DAG1: variants seen among roughly 807,000 people sequenced by gnomAD.
DAG1 encodes the protein dystroglycan 1 (dystrophin-associated glycoprotein 1).
Under a neutral mutation model 46.1 loss-of-function variants are expected in DAG1, and 8 were observed. That is an observed-to-expected ratio of 0.17 (90% CI 0.10 to 0.31). The LOEUF is 0.31. DAG1 is among the 10% of genes least tolerant of loss of function. DAG1 has a pLI of 1.00. For missense variants in DAG1, 1,003 were observed against 1,189.9 expected, an observed-to-expected ratio of 0.84 and a Z score of 2.31; for synonymous variants, 495 against 481.8, an observed-to-expected ratio of 1.03 and a Z score of -0.36.
At chr3:49,478,537 T>TG (rs1268709599) in intron 1 of DAG1, among the ~76,000 whole-genome samples, 52 of 129,192 alleles carry the variant, frequency 4.0e-4, no homozygotes, top group African/African-American at 1.3e-3. Flanking sequence ...GTTTTTTTTT[T>TG]TTTTTTTTTT....
At chr3:49,502,708 G>A (rs1037124891) in intron 1 of DAG1, among the ~76,000 whole-genome samples, 8 of 149,086 alleles carry the variant, frequency 5.4e-5, no homozygotes, top group African/African-American at 2.0e-4. Flanking sequence ...GTGCGATCTC[G>A]GCTCACTACA....
At position 49,528,275 on chromosome 3, in the gene DAG1, A is replaced by ATTTTTTTTTTTTTTTTTTTTTTT. The variant is rs147292984; in HGVS notation, c.286-2517_286-2495dup. 6.8e-4 allele frequency among the ~76,000 whole-genome samples: 45 copies of ATTTTTTTTTTTTTTTTTTTTTTT among 66,628 alleles called. 5 individuals are homozygous for ATTTTTTTTTTTTTTTTTTTTTTT. Among genetic ancestry groups the ATTTTTTTTTTTTTTTTTTTTTTT allele is most frequent in the African/African-American group, 1.9e-3 (28 of 14,514 alleles). The allele number at this position is 66,628 out of a possible 152,430, so 43.7% of individuals were successfully genotyped here. A position where few individuals can be genotyped will look rare whatever the true frequency, so the allele number is the denominator to read the frequency against. On this transcript the variant is annotated intron_variant, in intron 2 of 2. Coordinates refer to ENST00000308775, the MANE Select transcript of DAG1 (RefSeq NM_004393.6). Reference sequence around the variant, plus strand: ...CAGCCAAAACATTTGAAATAGTGTGATTTTTTTTTTTTTTTTTTTTTTTTT... The same window carrying ATTTTTTTTTTTTTTTTTTTTTTT: ...CAGCCAAAACATTTGAAATAGTGTGATTTTTTTTTTTTTTTTTTTTTTTTTTTTTTTTTTTTTTTTTTTTTTTT...
At chr3:49,491,085 A>G (rs1232935264) in intron 1 of DAG1, among the ~76,000 whole-genome samples, 1 of 151,866 alleles carries the variant, frequency 6.6e-6, no homozygotes, top group East Asian at 1.9e-4. Context: ...AGGTTTCGCC[A>G]TGTTGGCCAG....
chr3:49,510,235 G>T, intron 1 of DAG1, 184 bp from the exon 2 acceptor site: 1 of 519,320 alleles, frequency 1.9e-6, no homozygotes, highest in Non-Finnish European at 3.4e-6. Context: ...ATATTTAATG[G>T]ATCAGCTACA....
At chr3:49,513,463 G>A (rs1422099156) in intron 2 of DAG1, among the ~76,000 whole-genome samples, 2 of 152,060 alleles carry the variant, frequency 1.3e-5, no homozygotes, top group South Asian at 2.1e-4. Flanking sequence ...GCTTGCCCCC[G>A]TGACCCGTAA....
chr3:49,509,319 C>T (rs1451051898), intron 1 of DAG1, among the ~76,000 whole-genome samples: 1 of 152,106 alleles, frequency 6.6e-6, no homozygotes, highest in Admixed American at 6.5e-5. Context: ...CCTGAAGTCC[C>T]AGCTATTTAC....
intron 2 of DAG1, among the ~76,000 whole-genome samples, chr3:49,519,886 T>A (rs1366792649): frequency 6.6e-6 from 1 of 152,206 alleles, no homozygotes; most frequent in Non-Finnish European, 1.5e-5. Context: ...AAAAGACTAA[T>A]TTTTGCTTTT....
intron 2 of DAG1, among the ~76,000 whole-genome samples, chr3:49,519,910 G>C (rs2050985370): frequency 1.3e-5 from 2 of 152,186 alleles, no homozygotes; most frequent in Admixed American, 1.3e-4. Context: ...TGAGAACAGT[G>C]AACATGAGAT....
At chr3:49,503,554 A>G (rs764738698) in intron 1 of DAG1, among the ~76,000 whole-genome samples, 1 of 152,150 alleles carries the variant, frequency 6.6e-6, no homozygotes. Flanking sequence ...ATTATTGGCC[A>G]GGCCTGGTGG....
rs533517560 is a variant in DAG1 at position 49,532,987 on chromosome 3, C to T, written c.2476C>T (p.Leu826=). Residue 826 remains leucine, a synonymous_variant, in exon 3 of 3, where the codon CTA becomes TTA. Transcript: ENST00000308775. This position sits in a 1 kb window ranked among gnomAD's most constrained non-coding sequence, Gnocchi z 5.4. The part of the protein sequence containing the change: ...PLILQEEKAP[L]PPPEYPNQSV... ...CATTCTGCAGGAGGAGAAGGCTCCCCTACCCCCTCCTGAGTACCCCAACCA... is the reference window on the plus strand; with the variant it reads ...CATTCTGCAGGAGGAGAAGGCTCCCTTACCCCCTCCTGAGTACCCCAACCA... 2.5e-6 allele frequency: 4 copies of T among 1,614,116 alleles called. No individual in the cohort carries two copies. Among genetic ancestry groups the T allele is most frequent in the Non-Finnish European group, 3.4e-6 (4 of 1,180,012 alleles).
intron 2 of DAG1, among the ~76,000 whole-genome samples, chr3:49,526,140 T>C (rs2051165325): frequency 6.6e-6 from 1 of 152,328 alleles, no homozygotes; most frequent in African/African-American, 2.4e-5. Context: ...CGTGAGCCTC[T>C]GCTCCCGGCC....
At chr3:49,520,552 C>T (rs762244563) in intron 2 of DAG1, among the ~76,000 whole-genome samples, 1 of 152,192 alleles carries the variant, frequency 6.6e-6, no homozygotes, top group Non-Finnish European at 1.5e-5. Context: ...ACTTTGCCAA[C>T]GCAGGCCTCT....
intron 1 of DAG1, chr3:49,510,145 TG>T (rs1362586851): frequency 1.6e-5 from 7 of 445,930 alleles, no homozygotes; most frequent in African/African-American, 1.4e-4. Flanking sequence ...CATTTCAGTT[TG>T]CAATCAATAT....
intron 1 of DAG1, among the ~76,000 whole-genome samples, chr3:49,509,727 ATATTT>A (rs1341378107): frequency 2.0e-5 from 3 of 149,574 alleles, no homozygotes; most frequent in Non-Finnish European, 4.5e-5. Context: ...ATTTTACTTA[ATATTT>A]TATTGTTTTT....
chr3:49,531,872 G>C lies in DAG1; in HGVS notation c.1361G>C (p.Arg454Pro). ...TTTRRPTKKP[R>P]TPRPVPRVTT... ...ACTCGCAGGCCAACCAAGAAACCAC[G>C]GACACCCCGGCCAGTGCCCCGGGTC... The change falls in exon 3 of 3, where the codon CGG (arginine) becomes CCG (proline). Residue 454 changes from arginine to proline, a missense_variant. Physicochemically the swap from Arg to Pro is moderately radical, Grantham distance 103. Coordinates refer to ENST00000308775, the MANE Select transcript of DAG1 (RefSeq NM_004393.6). This position sits in a 1 kb window ranked among gnomAD's most constrained non-coding sequence, Gnocchi z 7.0. 2 of 1,613,654 alleles carry C rather than the reference G, an allele frequency of 1.2e-6. No individual in the cohort carries two copies. The highest frequency in any genetic ancestry group is 8.5e-7 in the Non-Finnish European group (1 of 1,179,960).
upstream of DAG1, chr3:49,469,068 G>A (rs2049444748): frequency 6.6e-6 from 1 of 152,184 alleles, no homozygotes; most frequent in African/African-American, 2.4e-5. Flanking sequence ...ATGTTTTTGG[G>A]AGATGGGGCA....
chr3:49,508,701 G>A (rs2050679934), intron 1 of DAG1, among the ~76,000 whole-genome samples: 1 of 151,892 alleles, frequency 6.6e-6, no homozygotes, highest in African/African-American at 2.4e-5. Flanking sequence ...TGCCTGGCAT[G>A]TATTTTTAGT....
At chr3:49,502,515 TTGGAGTGTGGA>T (rs2050480252) in intron 1 of DAG1, among the ~76,000 whole-genome samples, 1 of 152,134 alleles carries the variant, frequency 6.6e-6, no homozygotes, top group Non-Finnish European at 1.5e-5. Flanking sequence ...CCCATGGGCC[TTGGAGTGTGGA>T]ACAAGGTAGT....
chr3:49,526,810 A>G (rs1040276773), intron 2 of DAG1, among the ~76,000 whole-genome samples: 4 of 152,206 alleles, frequency 2.6e-5, no homozygotes, highest in African/African-American at 7.2e-5. Context: ...CCATCTCCCA[A>G]TTTGAAATTG....
Sources: allele counts gnomAD v4.1 joint callset (sites outside exome capture counted in the v4.1 genomes callset), GRCh38; gene constraint gnomAD v4.1.1; non-coding constraint Gnocchi (gnomAD v3.1); transcripts MANE v1.5; gene names NCBI Gene and HGNC (gene_info 2026-07-23, HGNC 2026-07-21).